The following MVB12B variants were observed in gnomAD, a reference collection of about 807,000 sequenced individuals.
MVB12B encodes multivesicular body subunit 12B.
MVB12B carries 16 observed loss-of-function variants against 41.6 expected under a neutral mutation model. That is an observed-to-expected ratio of 0.38 (90% CI 0.26 to 0.58). MVB12B has a LOEUF of 0.58. Among genes scored for constraint, MVB12B ranks in the 20% least tolerant of loss-of-function variants. The pLI, the probability that MVB12B is intolerant of heterozygous loss-of-function variation, is 0.62. For missense variants in MVB12B, 274 were observed against 380.2 expected (o/e 0.72, Z 2.32); for synonymous variants, 133 against 139.7 (o/e 0.95, Z 0.34).
intron 7 of MVB12B, among the ~76,000 whole-genome samples, chr9:126,446,938 C>CTTTTTTTTTTTTTTTTTTTTTTTTTTT (rs33991689): frequency 4.8e-5 from 5 of 104,326 alleles, no homozygotes; most frequent in Non-Finnish European, 9.0e-5. Context: ...TTTTAACTTT[C>CTTTTTTTTTTTTTTTTTTTTTTTTTTT]TTTTTTTTTT....
At chr9:126,412,959 A>T (rs1040133130) in intron 6 of MVB12B, among the ~76,000 whole-genome samples, 2 of 152,178 alleles carry the variant, frequency 1.3e-5, no homozygotes, top group South Asian at 4.1e-4. Context: ...CTTTAGTATT[A>T]TATGAAAATT....
At chr9:126,335,533 C>A in intron 1 of MVB12B, 1 of 597,048 alleles carries the variant, frequency 1.7e-6, no homozygotes, top group Non-Finnish European at 2.9e-6. Flanking sequence ...CTGTCCCTTG[C>A]TTGCGATTTG....
At chr9:126,407,224 T>A (rs899585432) in intron 6 of MVB12B, among the ~76,000 whole-genome samples, 1 of 152,142 alleles carries the variant, frequency 6.6e-6, no homozygotes, top group Non-Finnish European at 1.5e-5. Context: ...TTTATGCCTT[T>A]CACCCAAAAA....
chr9:126,481,099 CCA>C, intron 7 of MVB12B: 1 of 479,762 alleles, frequency 2.1e-6, no homozygotes, highest in Non-Finnish European at 3.7e-6. Flanking sequence ...GGGTTCTGGA[CCA>C]GCCGCTCTCT....
chr9:126,422,041 C>A (rs1051346151), intron 7 of MVB12B, 93 bp downstream of exon 7: 1 of 888,810 alleles, frequency 1.1e-6, no homozygotes, highest in Non-Finnish European at 1.9e-6. Flanking sequence ...TGGGATCTGT[C>A]TGCCTTACCT....
At chr9:126,491,632 A>G (rs1780886823) in intron 9 of MVB12B, among the ~76,000 whole-genome samples, 1 of 152,234 alleles carries the variant, frequency 6.6e-6, no homozygotes, top group Admixed American at 6.5e-5. Flanking sequence ...TGCCTACTTC[A>G]GATATTAAAA....
rs575219762 is a variant in MVB12B, at chr9:126,391,094, C to G, written c.410-972C>G. On this transcript the variant is annotated intron_variant, in intron 4 of 9. Transcript: ENST00000361171. The surrounding 1 kb of genome is among the most constrained non-coding windows in gnomAD (Gnocchi z 4.4). ...GATGGCAGTTGGGGAACTGTGTGAC[C>G]GAGGTCCTGGGCCGACGCCAGCAGA... Among the ~76,000 whole-genome samples, 22 of 152,260 alleles carry G rather than the reference C, an allele frequency of 1.4e-4. No individual in the cohort carries two copies. Among genetic ancestry groups the G allele is most frequent in the Non-Finnish European group, 2.8e-4 (19 of 68,018 alleles).
At chr9:126,499,698 G>A (rs1833911526) in intron 9 of MVB12B, among the ~76,000 whole-genome samples, 1 of 152,194 alleles carries the variant, frequency 6.6e-6, no homozygotes. Context: ...ATTTCATTTG[G>A]GGAGTTAGGG....
At chr9:126,483,510 C>T (rs1271838024) in intron 8 of MVB12B, among the ~76,000 whole-genome samples, 1 of 152,196 alleles carries the variant, frequency 6.6e-6, no homozygotes, top group Non-Finnish European at 1.5e-5. Flanking sequence ...GGAACTCTTC[C>T]TCCCTGGAGT....
rs1329634209 is a variant in MVB12B at position 126,468,637 on chromosome 9, T to A, written c.758-12732T>A. Among the ~76,000 whole-genome samples the A allele has an allele frequency of 3.3e-5, 5 of 152,294 alleles. No homozygotes were observed. The highest frequency in any genetic ancestry group is 7.4e-5 in the Non-Finnish European group (5 of 68,024). The stretch of plus-strand genomic sequence containing the variant: ...ACTGCCCTCATCCGGGCCACCAGCG[T>A]CCCTCGCCTGGTTCAGTGTCAGAAC... On this transcript the variant is annotated intron_variant, in intron 7 of 9. Coordinates refer to ENST00000361171, the MANE Select transcript of MVB12B (RefSeq NM_033446.3). This position sits in a 1 kb window ranked among gnomAD's most constrained non-coding sequence, Gnocchi z 4.3.
chr9:126,394,158 G>T (rs4837074), intron 5 of MVB12B, among the ~76,000 whole-genome samples: 1,633 of 152,320 alleles, frequency 0.011, 50 homozygotes, highest in East Asian at 0.069. Flanking sequence ...CACTAATTAT[G>T]TAAACAGGAC....
chr9:126,433,846 A>G (rs1207652050), intron 7 of MVB12B, among the ~76,000 whole-genome samples: 3 of 152,002 alleles, frequency 2.0e-5, no homozygotes, highest in Admixed American at 6.5e-5. Context: ...AGCTGCCAGC[A>G]TTGCCGAGCT....
At chr9:126,483,887 A>G in intron 8 of MVB12B, 86 bp from the exon 9 acceptor site, 1 of 1,362,178 alleles carries the variant, frequency 7.3e-7, no homozygotes, top group Non-Finnish European at 1.0e-6. Context: ...CCGTGGCTTG[A>G]GGTGTTACCA....
intron 6 of MVB12B, among the ~76,000 whole-genome samples, chr9:126,414,565 T>C (rs1477174632): frequency 6.6e-6 from 1 of 152,206 alleles, no homozygotes; most frequent in Admixed American, 6.5e-5. Context: ...TGGACAGCCC[T>C]TGCTCCAGGG....
intron 7 of MVB12B, among the ~76,000 whole-genome samples, chr9:126,467,402 T>TTCG (rs989646982): frequency 7.9e-5 from 12 of 152,194 alleles, no homozygotes; most frequent in African/African-American, 2.7e-4. Flanking sequence ...TGAAGTTAGC[T>TTCG]TCGATCACCT....
intron 7 of MVB12B, among the ~76,000 whole-genome samples, chr9:126,450,596 T>G (rs12003000): frequency 6.6e-6 from 1 of 152,118 alleles, no homozygotes; most frequent in Non-Finnish European, 1.5e-5. Context: ...CCAGAACAGA[T>G]GTTGGTCATT....
Position 126,391,521 on chromosome 9 carries a change from G to A in MVB12B, c.410-545G>A, listed in dbSNP as rs1045464493. 1.3e-5 allele frequency among the ~76,000 whole-genome samples: 2 copies of A among 152,178 alleles called. No individual in the cohort carries two copies. Among genetic ancestry groups the A allele is most frequent in the African/African-American group, 2.4e-5 (1 of 41,440 alleles). The stretch of plus-strand genomic sequence containing the variant: ...GAACAGTGTCCTGGATGCCTACTGA[G>A]GTATTGATGGTGACATAACGTAGTG... On this transcript the variant is annotated intron_variant, in intron 4 of 9. Coordinates refer to ENST00000361171, the MANE Select transcript of MVB12B (RefSeq NM_033446.3). This position sits in a 1 kb window ranked among gnomAD's most constrained non-coding sequence, Gnocchi z 4.4.
At chr9:126,457,681 T>C (rs915978887) in intron 7 of MVB12B, among the ~76,000 whole-genome samples, 18 of 152,124 alleles carry the variant, frequency 1.2e-4, no homozygotes, top group Non-Finnish European at 1.5e-4. Context: ...TCTCCGCATT[T>C]TGTCACACCT....
At chr9:126,434,546 A>G (rs887141581) in intron 7 of MVB12B, among the ~76,000 whole-genome samples, 4 of 152,224 alleles carry the variant, frequency 2.6e-5, no homozygotes, top group African/African-American at 9.6e-5. Context: ...ACACACTTAG[A>G]AGTCCTTAAT....
Sources: allele counts gnomAD v4.1 joint callset (sites outside exome capture counted in the v4.1 genomes callset), GRCh38; gene constraint gnomAD v4.1.1; non-coding constraint Gnocchi (gnomAD v3.1); transcripts MANE v1.5; gene names NCBI Gene and HGNC (gene_info 2026-07-23, HGNC 2026-07-21).